MACROD2: variants seen among roughly 807,000 people sequenced by gnomAD.
The protein encoded by MACROD2 is mono-ADP ribosylhydrolase 2.
In MACROD2, 36 loss-of-function variants were observed where a neutral mutation model predicts 70.4. That is an observed-to-expected ratio of 0.51 (90% CI 0.39 to 0.68). MACROD2 has a LOEUF of 0.68. MACROD2 is among the 30% of genes least tolerant of loss of function. The pLI, the probability that MACROD2 is intolerant of heterozygous loss-of-function variation, is 0.00. For synonymous variants in MACROD2, 172 were observed against 178.8 expected (o/e 0.96, Z 0.30); for missense variants, 496 against 538.4 (o/e 0.92, Z 0.78).
At chr20:15,509,377 A>G (rs1408596753) in intron 8 of MACROD2, among the ~76,000 whole-genome samples, 1 of 152,204 alleles carries the variant, frequency 6.6e-6, no homozygotes. Context: ...ATAGCATGAG[A>G]CAGGTGAAAT....
chr20:15,385,826 A>C (rs2146285395), intron 6 of MACROD2, among the ~76,000 whole-genome samples: 1 of 152,304 alleles, frequency 6.6e-6, no homozygotes, highest in South Asian at 2.1e-4. Flanking sequence ...ATTTAAGTAA[A>C]CTTTCATGTA....
intron 8 of MACROD2, among the ~76,000 whole-genome samples, chr20:15,606,983 C>A (rs1008099389): frequency 2.2e-5 from 3 of 139,310 alleles, no homozygotes; most frequent in African/African-American, 8.3e-5. Flanking sequence ...GCCTGGGCAA[C>A]GAGAGCAAAA....
chr20:15,152,997 C>T (rs556088525), intron 5 of MACROD2, among the ~76,000 whole-genome samples: 9 of 152,138 alleles, frequency 5.9e-5, no homozygotes, highest in South Asian at 2.1e-4. Flanking sequence ...AAAAAGAGGC[C>T]GCTTACCGGA....
intron 6 of MACROD2, among the ~76,000 whole-genome samples, chr20:15,304,390 G>T (rs7267194): frequency 6.6e-6 from 1 of 152,248 alleles, no homozygotes; most frequent in Non-Finnish European, 1.5e-5. Context: ...TTACCAATCA[G>T]GATGTTTTAT....
chr20:14,702,663 G>T (rs1326505790), intron 5 of MACROD2, among the ~76,000 whole-genome samples: 1 of 72,468 alleles, frequency 1.4e-5, no homozygotes, highest in Non-Finnish European at 2.7e-5. Flanking sequence ...ATATATATGT[G>T]TATATATATA....
intron 8 of MACROD2, among the ~76,000 whole-genome samples, chr20:15,760,385 A>T (rs1048544594): frequency 9.2e-5 from 14 of 152,190 alleles, no homozygotes; most frequent in Admixed American, 7.2e-4. Flanking sequence ...TGCTATGTTG[A>T]GAAGTGCAGC....
chr20:14,641,290 T>C (rs1368941789), intron 4 of MACROD2, among the ~76,000 whole-genome samples: 5 of 152,222 alleles, frequency 3.3e-5, no homozygotes, highest in African/African-American at 4.8e-5. Flanking sequence ...GCTCCAGTTA[T>C]CTTGCTGTTT....
At chr20:14,493,205 A>T (rs2084813914) in intron 3 of MACROD2, among the ~76,000 whole-genome samples, 2 of 152,016 alleles carry the variant, frequency 1.3e-5, no homozygotes, top group Non-Finnish European at 2.9e-5. Context: ...ATTGAGAATA[A>T]AACAGTCTCA....
intron 3 of MACROD2, among the ~76,000 whole-genome samples, chr20:14,336,900 A>G (rs2082947437): frequency 6.6e-6 from 1 of 152,206 alleles, no homozygotes; most frequent in Non-Finnish European, 1.5e-5. Flanking sequence ...AATCCTTTAC[A>G]GAGGCACATA....
chr20:15,621,060 C>A (rs1031013074), intron 8 of MACROD2, among the ~76,000 whole-genome samples: 4 of 152,108 alleles, frequency 2.6e-5, no homozygotes, highest in African/African-American at 9.7e-5. Context: ...AGGGAATGTT[C>A]TGGGTCACAG....
chr20:15,904,159 G>T (rs897030183), intron 10 of MACROD2, among the ~76,000 whole-genome samples: 1 of 152,154 alleles, frequency 6.6e-6, no homozygotes, highest in Non-Finnish European at 1.5e-5. Flanking sequence ...CGAGGCCAAA[G>T]TTCCTTGTTT....
chr20:14,478,988 A>G (rs1294158774), intron 3 of MACROD2, among the ~76,000 whole-genome samples: 7 of 152,008 alleles, frequency 4.6e-5, no homozygotes, highest in African/African-American at 1.7e-4. Context: ...TGACTGGATG[A>G]AGAGTGCTTC....
intron 3 of MACROD2, among the ~76,000 whole-genome samples, chr20:14,481,231 GTC>G (rs1157737191): frequency 6.6e-6 from 1 of 152,048 alleles, no homozygotes; most frequent in Non-Finnish European, 1.5e-5. Context: ...TTTAGCTCAA[GTC>G]TTTCAGCATT....
At chr20:14,854,419 C>T (rs1326881345) in intron 5 of MACROD2, among the ~76,000 whole-genome samples, 1 of 152,058 alleles carries the variant, frequency 6.6e-6, no homozygotes, top group South Asian at 2.1e-4. Flanking sequence ...ATCAATGACT[C>T]ATAGAATACT....
At chr20:14,866,014 A>G (rs1031603205) in intron 5 of MACROD2, among the ~76,000 whole-genome samples, 7 of 152,120 alleles carry the variant, frequency 4.6e-5, no homozygotes. Flanking sequence ...ATAGCTTCAT[A>G]ATGTCTGACT....
chr20:14,714,390 C>T (rs1298376317), intron 5 of MACROD2, among the ~76,000 whole-genome samples: 2 of 152,080 alleles, frequency 1.3e-5, no homozygotes, highest in Non-Finnish European at 2.9e-5. Context: ...CTTTTGTCCC[C>T]ATCCACTCTG....
At chr20:14,758,035 A>G in intron 5 of MACROD2, 2 of 693,856 alleles carry the variant, frequency 2.9e-6, no homozygotes, top group East Asian at 2.6e-5. Flanking sequence ...TTGGTCATGG[A>G]CATGGTCGGC....
chr20:15,911,383 C>T (rs1393263264), intron 10 of MACROD2, among the ~76,000 whole-genome samples: 5 of 152,126 alleles, frequency 3.3e-5, no homozygotes. Context: ...TAAAGACAGA[C>T]AATAAGAGTT....
intron 7 of MACROD2, among the ~76,000 whole-genome samples, chr20:15,448,414 C>G (rs1203284790): frequency 6.6e-6 from 1 of 152,148 alleles, no homozygotes; most frequent in Non-Finnish European, 1.5e-5. Flanking sequence ...ATTACCAGCT[C>G]TCATGGTGTT....
Sources: gnomAD v4.1 joint callset for allele counts (sites outside exome capture counted in the v4.1 genomes callset) on GRCh38, gnomAD v4.1.1 for gene constraint, MANE v1.5 for transcripts, NCBI Gene and HGNC (gene_info 2026-07-23, HGNC 2026-07-21) for gene names.